PTTG1IP2: variants seen among roughly 807,000 people sequenced by gnomAD.
The protein encoded by PTTG1IP2 is PTTG1IP family member 2.
chr7:90,482,853 G>C (rs1273247872), intron 2 of PTTG1IP2, among the ~76,000 whole-genome samples: 6 of 152,124 alleles, frequency 3.9e-5, no homozygotes, highest in Admixed American at 6.6e-5. Flanking sequence ...ATGGATGGTT[G>C]GTTGAGACAA....
intron 2 of PTTG1IP2, among the ~76,000 whole-genome samples, chr7:90,486,688 C>T (rs1292525299): frequency 1.3e-5 from 2 of 151,972 alleles, no homozygotes; most frequent in Non-Finnish European, 2.9e-5. Context: ...AGGAAAGAGT[C>T]GGGGATGCAG....
intron 6 of PTTG1IP2, among the ~76,000 whole-genome samples, chr7:90,502,091 C>T (rs1798067460): frequency 6.6e-6 from 1 of 152,236 alleles, no homozygotes; most frequent in African/African-American, 2.4e-5. Flanking sequence ...AGTGGCTCCT[C>T]ATCCATTCAA....
At chr7:90,508,236 A>T (rs1380633806) in intron 6 of PTTG1IP2, among the ~76,000 whole-genome samples, 1 of 150,550 alleles carries the variant, frequency 6.6e-6, no homozygotes, top group Non-Finnish European at 1.5e-5. Flanking sequence ...CACTGCCTCC[A>T]GTCTGGGCAA....
At chr7:90,473,159 C>T (rs1314371843) in intron 1 of PTTG1IP2, among the ~76,000 whole-genome samples, 5 of 152,174 alleles carry the variant, frequency 3.3e-5, no homozygotes, top group African/African-American at 9.7e-5. Flanking sequence ...ATGTCATAAT[C>T]CCTTGGACAT....
chr7:90,472,305 CA>C (rs768174589), intron 1 of PTTG1IP2, among the ~76,000 whole-genome samples: 19,834 of 149,404 alleles, frequency 0.13, 1,535 homozygotes, highest in East Asian at 0.4. Flanking sequence ...CACACACACA[CA>C]CACACACACA....
intron 1 of PTTG1IP2, among the ~76,000 whole-genome samples, chr7:90,471,473 G>A (rs567961431): frequency 1.3e-5 from 2 of 152,156 alleles, no homozygotes; most frequent in South Asian, 4.2e-4. Flanking sequence ...TGCAACTTTG[G>A]GTTAATCTTC....
chr7:90,507,764 T>G (rs980205698), intron 6 of PTTG1IP2, among the ~76,000 whole-genome samples: 1 of 152,314 alleles, frequency 6.6e-6, no homozygotes, highest in African/African-American at 2.4e-5. Flanking sequence ...TTAAATACCA[T>G]GTATAAAGCA....
intron 1 of PTTG1IP2, among the ~76,000 whole-genome samples, chr7:90,478,151 T>C (rs926237466): frequency 6.9e-6 from 1 of 144,390 alleles, no homozygotes; most frequent in Non-Finnish European, 1.5e-5. Context: ...GGTGAGGGGG[T>C]ATACAGGAAC....
intron 5 of PTTG1IP2, among the ~76,000 whole-genome samples, chr7:90,493,764 G>C (rs1182009220): frequency 6.6e-6 from 1 of 152,210 alleles, no homozygotes; most frequent in Non-Finnish European, 1.5e-5. Context: ...GGAGACTGCA[G>C]TGTCATAGAC....
intron 1 of PTTG1IP2, among the ~76,000 whole-genome samples, chr7:90,471,299 G>T (rs1414082676): frequency 6.6e-6 from 1 of 152,168 alleles, no homozygotes; most frequent in Non-Finnish European, 1.5e-5. Flanking sequence ...CCCAGATTGT[G>T]CCCTAAGTGA....
chr7:90,508,769 G>A (rs1384674374), intron 6 of PTTG1IP2, among the ~76,000 whole-genome samples: 1 of 152,192 alleles, frequency 6.6e-6, no homozygotes, highest in Non-Finnish European at 1.5e-5. Flanking sequence ...TTGCCTTTAT[G>A]TGAGATAGAC....
intron 6 of PTTG1IP2, among the ~76,000 whole-genome samples, chr7:90,496,587 A>G (rs972212072): frequency 2.0e-5 from 3 of 150,692 alleles, no homozygotes; most frequent in Non-Finnish European, 4.4e-5. Context: ...ACCAACCATT[A>G]GTTTTGTTAA....
chr7:90,477,875 A>G (rs1797767498), intron 1 of PTTG1IP2, among the ~76,000 whole-genome samples: 1 of 152,062 alleles, frequency 6.6e-6, no homozygotes, highest in Non-Finnish European at 1.5e-5. Flanking sequence ...AGGCGGGCGG[A>G]TCACGAGGTC....
At chr7:90,504,020 GA>G (rs565507231) in intron 6 of PTTG1IP2, among the ~76,000 whole-genome samples, 2,152 of 152,210 alleles carry the variant, frequency 0.014, 56 homozygotes, top group African/African-American at 0.047. Flanking sequence ...TGGTGAAGTA[GA>G]AAAAAAGCAC....
intron 6 of PTTG1IP2, among the ~76,000 whole-genome samples, chr7:90,506,981 G>A (rs1023234904): frequency 1.3e-5 from 2 of 152,126 alleles, no homozygotes; most frequent in Admixed American, 6.6e-5. Flanking sequence ...AATTAACAAT[G>A]ACCAGTACAG....
chr7:90,497,526 T>C (rs2116101651), intron 6 of PTTG1IP2, among the ~76,000 whole-genome samples: 1 of 136,320 alleles, frequency 7.3e-6, no homozygotes, highest in South Asian at 2.3e-4. Flanking sequence ...ATCGCGCCAC[T>C]GCACTCCAGC....
chr7:90,494,660 T>A (rs917422857), intron 6 of PTTG1IP2, among the ~76,000 whole-genome samples: 2 of 151,968 alleles, frequency 1.3e-5, no homozygotes, highest in African/African-American at 4.8e-5. Context: ...AGAGGGAGGA[T>A]CACCTGAGGC....
chr7:90,512,161 C>T (rs1244508365), intron 6 of PTTG1IP2, among the ~76,000 whole-genome samples: 3 of 152,158 alleles, frequency 2.0e-5, no homozygotes, highest in East Asian at 1.9e-4. Flanking sequence ...ATTAAATAAA[C>T]ATTTATTGAG....
rs142782887 is a variant in PTTG1IP2 at position 90,487,308 on chromosome 7, T to G, written c.193-19T>G. On this transcript the variant is annotated intron_variant, in intron 2 of 6. Coordinates refer to ENST00000509356, the MANE Select transcript of PTTG1IP2 (RefSeq NM_001365443.2). The stretch of plus-strand genomic sequence containing the variant: ...ATTATACTTGGACACCACTTTTATT[T>G]TTCTCTTTCCAAATATAGTGTGTTT... 462 of 152,754 alleles carry G rather than the reference T, an allele frequency of 3.0e-3. 3 individuals are homozygous for G. The highest frequency in any genetic ancestry group is 9.7e-3 in the African/African-American group (405 of 41,574). The allele number at this position is 152,754 out of a possible 1,614,324, so 9.5% of individuals were successfully genotyped here.
Sources: allele counts gnomAD v4.1 joint callset (sites outside exome capture counted in the v4.1 genomes callset), GRCh38; gene constraint gnomAD v4.1.1; transcripts MANE v1.5; gene names NCBI Gene and HGNC (gene_info 2026-07-23, HGNC 2026-07-21).